Variants in GGA3 observed in about 807,000 individuals in gnomAD.
GGA3 encodes ADP-ribosylation factor-binding protein GGA3.
Under a neutral mutation model 77.5 loss-of-function variants are expected in GGA3, and 57 were observed. That is an observed-to-expected ratio of 0.74 (90% CI 0.59 to 0.92). The LOEUF (loss-of-function observed/expected upper bound fraction) is 0.92, where lower values mean the gene tolerates loss of function less well. Among genes scored for constraint, GGA3 ranks in the 40% least tolerant of loss-of-function variants. GGA3 has a pLI of 0.00. For missense variants in GGA3, 970 were observed against 914.9 expected, an observed-to-expected ratio of 1.06 and a Z score of -0.78; for synonymous variants, 416 against 383.7, an observed-to-expected ratio of 1.08 and a Z score of -0.98.
intron 14 of GGA3, 71 bp from the exon 15 acceptor site, chr17:75,239,154 GAA>G: frequency 7.1e-7 from 1 of 1,407,624 alleles, no homozygotes; most frequent in Non-Finnish European, 9.8e-7. Context: ...GCGGTGAGGA[GAA>G]AAGGGCTACT....
chr17:75,241,174 G>C (rs1291803360), intron 10 of GGA3, 117 bp from the exon 11 acceptor site: 1 of 1,240,472 alleles, frequency 8.1e-7, no homozygotes, highest in African/African-American at 1.5e-5. Flanking sequence ...TAATCCAACG[G>C]CATCTCTGCC....
Position 75,243,152 on chromosome 17 carries a change from C to A in GGA3, c.439G>T (p.Asp147Tyr). 1 of 1,609,798 alleles carries A rather than the reference C, an allele frequency of 6.2e-7. No individual in the cohort carries two copies. Among genetic ancestry groups the A allele is most frequent in the South Asian group, 1.1e-5 (1 of 90,578 alleles). ...GTCCTATCCACAGGAATTGGTGGGTCAGACTGCACTATGCCTGAAAGGGGA... is the reference window on the plus strand; with the variant it reads ...GTCCTATCCACAGGAATTGGTGGGTAAGACTGCACTATGCCTGAAAGGGGA... ...MLKRQGIVQS[D>Y]PPIPVDRTLI... The change falls in exon 6 of 17, where the codon GAC becomes TAC. Residue 147 changes from aspartate (D) to tyrosine (Y), a missense_variant. Physicochemically the swap from Asp to Tyr is radical, Grantham distance 160. Coordinates refer to ENST00000537686, the MANE Select transcript of GGA3 (RefSeq NM_138619.4).
rs552985799 is a variant in GGA3 at position 75,256,634 on chromosome 17, G to A, written c.40+4914C>T. On this transcript the variant is annotated intron_variant, in intron 1 of 16. Coordinates refer to ENST00000537686, the MANE Select transcript of GGA3 (RefSeq NM_138619.4). ...GTACAAGCCACTAGCCCGCCTCTTAGAACCTCATTTCCTTTCCATTGTGGA... is the reference window on the plus strand; with the variant it reads ...GTACAAGCCACTAGCCCGCCTCTTAAAACCTCATTTCCTTTCCATTGTGGA... Among the ~76,000 whole-genome samples, 390 of 152,234 alleles carry A rather than the reference G, an allele frequency of 2.6e-3. 1 individual carries two copies. Among genetic ancestry groups the A allele is most frequent in the African/African-American group, 8.8e-3 (365 of 41,538 alleles).
Position 75,255,226 on chromosome 17 carries a change from A to G in GGA3, c.40+6322T>C, listed in dbSNP as rs558824203. 9.9e-5 allele frequency among the ~76,000 whole-genome samples: 15 copies of G among 152,154 alleles called. No individual in the cohort carries two copies. The South Asian group carries it at 3.1e-3, about 32-fold the overall frequency. On this transcript the variant is annotated intron_variant, in intron 1 of 16. Transcript: ENST00000537686. ...CTCCATAACTGTTGTGGGTATTGAC[A>G]GCCAGGCTTCTAAACCTCTTAAAAC...
At chr17:75,246,466 G>C (rs756042635) in intron 3 of GGA3, 43 bp downstream of exon 3, 2 of 1,310,924 alleles carry the variant, frequency 1.5e-6, no homozygotes, top group South Asian at 2.4e-5. Flanking sequence ...GCGTGGGCAG[G>C]TGAAGGGCTG....
At chr17:75,243,693 T>C in intron 4 of GGA3, 123 bp from the exon 5 acceptor site, 1 of 874,158 alleles carries the variant, frequency 1.1e-6, no homozygotes, top group Non-Finnish European at 1.7e-6. Flanking sequence ...AATCTGCAGG[T>C]GTCCAAGTGT....
chr17:75,247,557 C>T (rs1470812607), intron 1 of GGA3, among the ~76,000 whole-genome samples: 3 of 152,226 alleles, frequency 2.0e-5, no homozygotes, highest in African/African-American at 7.2e-5. Context: ...TCACCGCGCC[C>T]AGCGAATATT....
rs747513423 is a variant in GGA3 at position 75,238,299 on chromosome 17, C to T, written c.2152G>A (p.Glu718Lys). ...TGGGGTCATAGGTTCCCCCACTGTT[C>T]CACAGGAGGGAACTGGTCCACCTCG... Reference protein sequence around the residue: ...VGEVDQFPPVEQWGNL With the variant: ...VGEVDQFPPVKQWGNL The change falls in exon 17 of 17, where the codon GAA becomes AAA. Residue 718 changes from glutamate to lysine, a missense_variant. Coordinates refer to ENST00000537686, the MANE Select transcript of GGA3 (RefSeq NM_138619.4). The T allele has an allele frequency of 6.2e-7, 1 of 1,613,294 alleles. No homozygotes were observed. Among genetic ancestry groups the T allele is most frequent in the Non-Finnish European group, 8.5e-7 (1 of 1,179,626 alleles).
intron 10 of GGA3, 26 bp downstream of exon 10, chr17:75,241,374 T>G: frequency 7.0e-7 from 1 of 1,438,252 alleles, no homozygotes; most frequent in African/African-American, 1.4e-5. Flanking sequence ...TGGAGGAGCC[T>G]AGAGTTGGGG....
At position 75,243,074 on chromosome 17, in the gene GGA3, CCT is replaced by C; in HGVS notation, c.515_516del (p.Glu172GlyfsTer17). On this transcript the variant is annotated frameshift_variant, in exon 6 of 17. Coordinates refer to ENST00000537686, the MANE Select transcript of GGA3 (RefSeq NM_138619.4). LOFTEE classifies it high-confidence loss of function. ...PRPKNPVFDD[E>X]EKSKLLAKLL... The stretch of plus-strand genomic sequence containing the variant: ...AGGGTGTCCTTTACCTTGGACTTCT[CCT>C]CATCATCAAAAACAGGGTTTTTGGG... The C allele has an allele frequency of 6.2e-7, 1 of 1,611,636 alleles. No individual in the cohort carries two copies. Among genetic ancestry groups the C allele is most frequent in the Non-Finnish European group, 8.5e-7 (1 of 1,178,124 alleles).
At position 75,237,724 on chromosome 17, in the gene GGA3, T is replaced by G. The variant is rs1031592026; in HGVS notation, c.*555A>C. On this transcript the variant is annotated 3_prime_UTR_variant, in exon 17 of 17. Coordinates refer to ENST00000537686, the MANE Select transcript of GGA3 (RefSeq NM_138619.4). The stretch of plus-strand genomic sequence containing the variant: ...GTCCACCAGAGGCAGGGCTGGGGAC[T>G]TTGCAGTATGCCAGTTCCTTATTCT... The G allele has an allele frequency of 5.6e-6, 8 of 1,439,414 alleles. No homozygotes were observed. The highest frequency in any genetic ancestry group is 7.3e-6 in the Non-Finnish European group (8 of 1,099,432). The allele number at this position is 1,439,414 out of a possible 1,614,324, so 89.2% of individuals were successfully genotyped here.
At chr17:75,259,416 AT>A (rs1158255517) in intron 1 of GGA3, among the ~76,000 whole-genome samples, 1 of 152,200 alleles carries the variant, frequency 6.6e-6, no homozygotes, top group East Asian at 1.9e-4. Flanking sequence ...AGAATCTGAG[AT>A]GGGTTTTCAA....
chr17:75,242,190 G>A (rs2076581824), intron 8 of GGA3, 146 bp downstream of exon 8: 1 of 829,726 alleles, frequency 1.2e-6, no homozygotes, highest in Admixed American at 2.0e-5. Context: ...TACTGACGTG[G>A]CTGCTGTGCA....
intron 3 of GGA3, among the ~76,000 whole-genome samples, chr17:75,245,195 T>C (rs1363316975): frequency 6.6e-6 from 1 of 152,198 alleles, no homozygotes; most frequent in Non-Finnish European, 1.5e-5. Flanking sequence ...CCTCCGCTTA[T>C]CTCCCTAACT....
At position 75,238,962 on chromosome 17, in the gene GGA3, C is replaced by G. The variant is rs747217215; in HGVS notation, c.1902G>C (p.Thr634=). Reference sequence around the variant, plus strand: ...CGATGCTCTTGACAGGTAAGGGAGCCGTGTTCAGCATGGACACCACCACCA... The same window carrying G: ...CGATGCTCTTGACAGGTAAGGGAGCGGTGTTCAGCATGGACACCACCACCA... ...VLVVVVSMLN[T]APLPVKSIVL... Residue 634 remains threonine, a synonymous_variant, in exon 15 of 17, where the codon ACG becomes ACC. Coordinates refer to ENST00000537686, the MANE Select transcript of GGA3 (RefSeq NM_138619.4). 2 of 1,614,100 alleles carry G rather than the reference C, an allele frequency of 1.2e-6. No homozygotes were observed. The highest frequency in any genetic ancestry group is 1.7e-6 in the Non-Finnish European group (2 of 1,180,012).
chr17:75,239,174 CATG>C (rs1199496776), intron 14 of GGA3, 91 bp from the exon 15 acceptor site: 8 of 1,209,764 alleles, frequency 6.6e-6, no homozygotes, highest in South Asian at 1.4e-5. Flanking sequence ...ACTCCGTGGT[CATG>C]ATGAGTCCAG....
intron 12 of GGA3, 35 bp from the exon 13 acceptor site, chr17:75,240,143 G>C: frequency 7.5e-7 from 1 of 1,328,092 alleles, no homozygotes; most frequent in Non-Finnish European, 1.0e-6. Flanking sequence ...AGCCGAGGGC[G>C]GGTGGGGAGG....
intron 5 of GGA3, 66 bp from the exon 6 acceptor site, chr17:75,243,232 C>T (rs140342485): frequency 7.9e-7 from 1 of 1,259,906 alleles, no homozygotes; most frequent in East Asian, 2.3e-5. Context: ...CCTCATACAC[C>T]AAGGGCCACG....
Position 75,237,487 on chromosome 17 carries a change from C to T in GGA3, c.*792G>A. ...GAGGTAGTCAGTAGGATGGCCTGTCCCCACGGCTGGAGGCACGCTTTTCCC... is the reference window on the plus strand; with the variant it reads ...GAGGTAGTCAGTAGGATGGCCTGTCTCCACGGCTGGAGGCACGCTTTTCCC... On this transcript the variant is annotated 3_prime_UTR_variant, in exon 17 of 17. Coordinates refer to ENST00000537686, the MANE Select transcript of GGA3 (RefSeq NM_138619.4). The T allele has an allele frequency of 6.5e-7, 1 of 1,535,812 alleles. No individual in the cohort carries two copies. Among genetic ancestry groups the T allele is most frequent in the Non-Finnish European group, 8.7e-7 (1 of 1,146,672 alleles).
Sources: gnomAD v4.1 joint callset for allele counts (sites outside exome capture counted in the v4.1 genomes callset) on GRCh38, gnomAD v4.1.1 for gene constraint, MANE v1.5 for transcripts, NCBI Gene and HGNC (gene_info 2026-07-23, HGNC 2026-07-21) for gene names.